MPDZ: variants seen among roughly 807,000 people sequenced by gnomAD.
The protein encoded by MPDZ is multiple PDZ domain crumbs cell polarity complex component.
Under a neutral mutation model 239.1 loss-of-function variants are expected in MPDZ, and 234 were observed. The observed-to-expected ratio is 0.98, with a 90% CI of 0.88 to 1.09. MPDZ has a LOEUF of 1.09. MPDZ is among the 50% of genes least tolerant of loss of function. MPDZ has a pLI of 0.00. For missense variants in MPDZ, 3,175 were observed against 2,510.0 expected, an observed-to-expected ratio of 1.26 and a Z score of -5.66; for synonymous variants, 1,048 against 881.3, an observed-to-expected ratio of 1.19 and a Z score of -3.35.
At chr9:13,118,074 C>T (rs1586922337) in intron 39 of MPDZ, among the ~76,000 whole-genome samples, 2 of 151,986 alleles carry the variant, frequency 1.3e-5, no homozygotes, top group Admixed American at 6.6e-5. Flanking sequence ...GAACTCCCGA[C>T]GTCAGGTGAT....
At chr9:13,207,261 T>C (rs1003227142) in intron 10 of MPDZ, among the ~76,000 whole-genome samples, 1 of 152,156 alleles carries the variant, frequency 6.6e-6, no homozygotes, top group African/African-American at 2.4e-5. Context: ...AAAATATAGA[T>C]ATGATCATAT....
chr9:13,188,857 A>C lies in MPDZ; in HGVS notation c.2291T>G (p.Leu764Arg). 6.2e-7 allele frequency: 1 copy of C among 1,613,634 alleles called. No individual in the cohort carries two copies. The part of the protein sequence containing the change: ...VNDVNLENSS[L>R]EEAVEALKGA... ...CTTCAGTGCTTCTACAGCTTCCTCA[A>C]GACTGCTGTTTTCCAAGTTAACATC... Residue 764 changes from leucine to arginine, a missense_variant, in exon 17 of 47, where the codon CTT (leucine) becomes CGT (arginine). Physicochemically the swap from Leu to Arg is moderately radical, Grantham distance 102. Coordinates refer to ENST00000319217, the MANE Select transcript of MPDZ (RefSeq NM_001378778.1).
intron 25 of MPDZ, among the ~76,000 whole-genome samples, chr9:13,149,637 T>G (rs990762597): frequency 6.6e-6 from 1 of 152,106 alleles, no homozygotes; most frequent in Non-Finnish European, 1.5e-5. Flanking sequence ...CCTTGTTTAC[T>G]GTGGGATGCC....
rs1046692299 is a variant in MPDZ at position 13,133,919 on chromosome 9, G to A, written c.4384-15C>T. 4 of 1,458,946 alleles carry A rather than the reference G, an allele frequency of 2.7e-6. No individual in the cohort carries two copies. In the Admixed American group the frequency reaches 6.0e-5, roughly 22 times the overall value. 90.4% of individuals were successfully genotyped at this position (1,458,946 alleles called of 1,614,324 possible). On this transcript the variant is annotated splice_polypyrimidine_tract_variant and intron_variant, in intron 31 of 46. Transcript: ENST00000319217. The stretch of plus-strand genomic sequence containing the variant: ...GTTGGCTCTGTCTGACAGAGGGAAA[G>A]AAATGACAAAAAGAGCAACTGAGTG...
rs998742612 is a variant in MPDZ at position 13,247,782 on chromosome 9, A to G, written c.36T>C (p.His12=). 6.2e-6 allele frequency: 10 copies of G among 1,608,252 alleles called. No individual in the cohort carries two copies. The Admixed American group carries it at 1.3e-4, about 21-fold the overall frequency. ...GCTTGGTTTGCAAGCGCTCTGCTGC[A>G]TGCAGGGCCCGATTTTTGTCTATAC... ...LEAIDKNRAL[H]AAERLQTKLR... Residue 12 remains histidine (H), a synonymous_variant, in exon 3 of 47, where the codon CAT becomes CAC. Transcript: ENST00000319217.
At position 13,264,618 on chromosome 9, in the gene MPDZ, A is replaced by AT. The variant is rs775757159; in HGVS notation, c.-57-14247dup. On this transcript the variant is annotated intron_variant, in intron 1 of 46. Coordinates refer to ENST00000319217, the MANE Select transcript of MPDZ (RefSeq NM_001378778.1). ...CCAATCGTTTATAGCCCATTGCATT[A>AT]TATTTATTTCCTTCCCCATTAACCC... Among the ~76,000 whole-genome samples the AT allele has an allele frequency of 4.6e-5, 7 of 151,234 alleles. No individual in the cohort carries two copies. The East Asian group carries it at 1.4e-3, about 30-fold the overall frequency.
intron 1 of MPDZ, among the ~76,000 whole-genome samples, chr9:13,267,666 G>A (rs1184058266): frequency 1.3e-5 from 2 of 152,290 alleles, no homozygotes; most frequent in East Asian, 1.9e-4. Context: ...AAGACATGGA[G>A]AAGAATGTGT....
At chr9:13,239,377 C>A (rs1027333780) in intron 3 of MPDZ, among the ~76,000 whole-genome samples, 2 of 152,106 alleles carry the variant, frequency 1.3e-5, no homozygotes, top group Non-Finnish European at 2.9e-5. Context: ...ATTTCCCTAT[C>A]TATAAAATGA....
intron 32 of MPDZ, among the ~76,000 whole-genome samples, chr9:13,132,591 G>C (rs945991211): frequency 2.0e-5 from 3 of 152,120 alleles, no homozygotes; most frequent in Admixed American, 6.6e-5. Flanking sequence ...CTCTATACCA[G>C]CTTATTCATT....
At chr9:13,213,382 T>G (rs1957869610) in intron 10 of MPDZ, among the ~76,000 whole-genome samples, 1 of 152,020 alleles carries the variant, frequency 6.6e-6, no homozygotes, top group African/African-American at 2.4e-5. Flanking sequence ...AAGAAATAAT[T>G]TCTTAATCTC....
intron 1 of MPDZ, among the ~76,000 whole-genome samples, chr9:13,277,882 T>C (rs1974599666): frequency 6.6e-6 from 1 of 152,110 alleles, no homozygotes; most frequent in Admixed American, 6.5e-5. Flanking sequence ...GCTAGGTTTT[T>C]AAAACACTAT....
chr9:13,129,834 G>A (rs991362896), intron 32 of MPDZ, among the ~76,000 whole-genome samples: 2 of 152,098 alleles, frequency 1.3e-5, no homozygotes, highest in African/African-American at 4.8e-5. Flanking sequence ...CTACAGGCAT[G>A]TGCCACTGTA....
intron 10 of MPDZ, among the ~76,000 whole-genome samples, chr9:13,214,425 G>A (rs868444536): frequency 6.6e-6 from 1 of 151,920 alleles, no homozygotes; most frequent in Non-Finnish European, 1.5e-5. Flanking sequence ...GGAGAATGGG[G>A]GAGAAGGTGA....
Position 13,113,119 on chromosome 9 carries a change from A to G in MPDZ, c.5558-65T>C. 3.5e-6 allele frequency: 5 copies of G among 1,424,830 alleles called. No homozygotes were observed. The South Asian group carries it at 3.9e-5, about 11-fold the overall frequency. 88.3% of individuals were successfully genotyped at this position (1,424,830 alleles called of 1,614,324 possible). ...TCATTCACTTTTTATGTTCGTTAAA[A>G]TATCTAAAGCTGGATGGGACTAAAT... is the stretch of plus-strand genomic sequence containing the variant. On this transcript the variant is annotated intron_variant, in intron 41 of 46. Transcript: ENST00000319217.
At chr9:13,208,012 C>T (rs1032017408) in intron 10 of MPDZ, among the ~76,000 whole-genome samples, 28 of 152,108 alleles carry the variant, frequency 1.8e-4, no homozygotes, top group Admixed American at 9.8e-4. Context: ...AATGACTGTA[C>T]GTGTAATGCT....
At position 13,175,760 on chromosome 9, in the gene MPDZ, G is replaced by T; in HGVS notation, c.3047C>A (p.Ser1016Tyr). ...GAAAATGAGAAACTTACCTAGGCTAGAATTGCCTTTTGCTATATTAATAGT... is the reference window on the plus strand; with the variant it reads ...GAAAATGAGAAACTTACCTAGGCTATAATTGCCTTTTGCTATATTAATAGT... ...ERTINIAKGN[S>Y]SLGMTVSANK... Residue 1016 changes from serine to tyrosine, a missense_variant, in exon 21 of 47, where the codon TCT (serine) becomes TAT (tyrosine). Coordinates refer to ENST00000319217, the MANE Select transcript of MPDZ (RefSeq NM_001378778.1). 1 of 1,569,394 alleles carries T rather than the reference G, an allele frequency of 6.4e-7. No homozygotes were observed. The highest frequency in any genetic ancestry group is 8.7e-7 in the Non-Finnish European group (1 of 1,155,230).
At position 13,223,697 on chromosome 9, in the gene MPDZ, T is replaced by A; in HGVS notation, c.407A>T (p.Glu136Val). ...IKNMAQGRHV[E>V]VFELLKPPSG... ...TGGAGGTTTGAGGAGCTCAAAAACT[T>A]CTACATGGCGACCCTGTTTAGGAAA... Residue 136 changes from glutamate (E) to valine (V), a missense_variant, in exon 5 of 47, where the codon GAA becomes GTA. Glu to Val is a moderately radical substitution (Grantham distance 121). Coordinates refer to ENST00000319217, the MANE Select transcript of MPDZ (RefSeq NM_001378778.1). The A allele has an allele frequency of 6.2e-7, 1 of 1,604,320 alleles. No individual in the cohort carries two copies. Among genetic ancestry groups the A allele is most frequent in the Non-Finnish European group, 8.5e-7 (1 of 1,175,060 alleles).
chr9:13,248,085 G>A (rs774926786), intron 2 of MPDZ, among the ~76,000 whole-genome samples: 16 of 151,634 alleles, frequency 1.1e-4, no homozygotes, highest in Admixed American at 5.3e-4. Context: ...AAAATTAGCC[G>A]GGCATGGTGG....
intron 26 of MPDZ, among the ~76,000 whole-genome samples, chr9:13,147,317 T>C (rs1407562736): frequency 6.6e-6 from 1 of 152,094 alleles, no homozygotes; most frequent in Middle Eastern, 3.2e-3. Flanking sequence ...GAGATACTGA[T>C]AAATCTACTT....
Sources: allele counts gnomAD v4.1 joint callset (sites outside exome capture counted in the v4.1 genomes callset), GRCh38; gene constraint gnomAD v4.1.1; transcripts MANE v1.5; gene names NCBI Gene and HGNC (gene_info 2026-07-23, HGNC 2026-07-21).